CIRBP: variants seen among roughly 807,000 people sequenced by gnomAD.
CIRBP encodes cold-inducible RNA-binding protein.
A neutral mutation model predicts 22.3 loss-of-function variants in CIRBP; 11 were observed. The observed-to-expected ratio is 0.49, with a 90% CI of 0.31 to 0.82. The LOEUF is 0.82. Ranked by LOEUF, CIRBP falls within the 40% of genes least tolerant of loss-of-function variation. CIRBP has a pLI of 0.05. For missense variants in CIRBP, 456 were observed against 402.7 expected (o/e 1.13, Z -1.13); for synonymous variants, 216 against 158.8 (o/e 1.36, Z -2.71).
Position 1,274,638 on chromosome 19 carries a change from C to T in CIRBP, c.*2195C>T, listed in dbSNP as rs887520827. ...CCGCGCCTGTTCTCCCTCCCTTCCT[C>T]CTCCTTCCAGGAGGCGCTTCGCCAG... On this transcript the variant is annotated 3_prime_UTR_variant, in exon 6 of 6. Coordinates refer to ENST00000587896, the MANE Select transcript of CIRBP (RefSeq NM_001300829.2). The T allele has an allele frequency of 8.0e-6, 2 of 250,786 alleles. No individual in the cohort carries two copies. The highest frequency in any genetic ancestry group is 7.6e-6 in the Non-Finnish European group (1 of 132,272). The allele number at this position is 250,786 out of a possible 1,614,324, so 15.5% of individuals were successfully genotyped here. A position where few individuals can be genotyped will look rare whatever the true frequency, so the allele number is the denominator to read the frequency against.
chr19:1,271,539 C>G lies in CIRBP; in HGVS notation c.350-12C>G, dbSNP rs762498708. The G allele has an allele frequency of 1.3e-6, 2 of 1,592,872 alleles. No individual in the cohort carries two copies. The highest frequency in any genetic ancestry group is 1.7e-6 in the Non-Finnish European group (2 of 1,170,292). On this transcript the variant is annotated splice_polypyrimidine_tract_variant and intron_variant, in intron 4 of 5. Coordinates refer to ENST00000587896, the MANE Select transcript of CIRBP (RefSeq NM_001300829.2). ...GGTGGGAGCTGGTACTCACTTTTTC[C>G]TGTATGTGCAGGAGGAGGGGACCGA...
At chr19:1,271,795 A>G in intron 5 of CIRBP, 163 bp downstream of exon 5, 2 of 703,150 alleles carry the variant, frequency 2.8e-6, no homozygotes, top group Non-Finnish European at 4.8e-6. Flanking sequence ...GGACATTCGC[A>G]GAAGCGGGAG....
In CIRBP at chr19:1,271,380, A is replaced by G; in HGVS notation, c.262A>G (p.Asn88Asp). The change falls in exon 4 of 6, where the codon AAC becomes GAC. Residue 88 changes from asparagine (N) to aspartate (D), a missense_variant. Around this residue, in one of 2 missense-constraint regions of CIRBP, gnomAD observed 426 missense variants for 339.6 expected, o/e 1.25. Coordinates refer to ENST00000587896, the MANE Select transcript of CIRBP (RefSeq NM_001300829.2). The stretch of plus-strand genomic sequence containing the variant: ...AGACCAGGCAGGCAAGTCGTCAGAC[A>G]ACCGATCCCGTGGGTACCGTGGTGG... ...RVDQAGKSSDNRSRGYRGGSA... is the reference protein window; with the variant it reads ...RVDQAGKSSDDRSRGYRGGSA... The G allele has an allele frequency of 6.2e-7, 1 of 1,613,926 alleles. No homozygotes were observed.
chr19:1,271,058 C>T lies in CIRBP; in HGVS notation c.103+22C>T, dbSNP rs746395981. On this transcript the variant is annotated intron_variant, in intron 2 of 5. Transcript: ENST00000587896. ...GAAGGTGAGGCTGCTGCTGGGCCCGCGGCCCTGGGCGGGGGGGCTTGTGCT... is the reference window on the plus strand; with the variant it reads ...GAAGGTGAGGCTGCTGCTGGGCCCGTGGCCCTGGGCGGGGGGGCTTGTGCT... The T allele has an allele frequency of 7.8e-5, 125 of 1,610,682 alleles. 3 individuals carry two copies. The highest frequency in any genetic ancestry group is 6.9e-4 in the South Asian group (63 of 91,010).
At chr19:1,269,994 T>G (rs754366834) in intron 1 of CIRBP, 5 of 519,804 alleles carry the variant, frequency 9.6e-6, no homozygotes, top group South Asian at 7.0e-5. Flanking sequence ...GACTTCCAAG[T>G]CTAGTTCTCA....
rs566388463 is a variant in CIRBP, at chr19:1,274,277, G to T, written c.*1834G>T. On this transcript the variant is annotated 3_prime_UTR_variant, in exon 6 of 6. Coordinates refer to ENST00000587896, the MANE Select transcript of CIRBP (RefSeq NM_001300829.2). ...GGCAGCTGTGAGCCCTGTGGAGGAC[G>T]TTGGGAGTAACGCTGCTTTGCTTTG... 20 of 401,184 alleles carry T rather than the reference G, an allele frequency of 5.0e-5. No homozygotes were observed. Among genetic ancestry groups the T allele is most frequent in the Non-Finnish European group, 8.0e-5 (18 of 226,394 alleles). The allele number at this position is 401,184 out of a possible 1,614,324, so 24.9% of individuals were successfully genotyped here.
Position 1,273,258 on chromosome 19 carries a change from G to C in CIRBP, c.*815G>C, listed in dbSNP as rs1401063814. ...CAGACCTGAGCAGAGAGAGAAGGTG[G>C]AGAAGCAGCGGGTCTGCAAGCCTTC... On this transcript the variant is annotated 3_prime_UTR_variant, in exon 6 of 6. Coordinates refer to ENST00000587896, the MANE Select transcript of CIRBP (RefSeq NM_001300829.2). 1.3e-5 allele frequency: 2 copies of C among 152,294 alleles called. No individual in the cohort carries two copies. Among genetic ancestry groups the C allele is most frequent in the Non-Finnish European group, 2.9e-5 (2 of 68,102 alleles). The allele number at this position is 152,294 out of a possible 1,614,324, so 9.4% of individuals were successfully genotyped here.
intron 1 of CIRBP, chr19:1,269,759 C>T (rs566702178): frequency 7.1e-6 from 3 of 421,806 alleles, no homozygotes; most frequent in East Asian, 6.3e-5. Flanking sequence ...GTGGCGCCCC[C>T]GGTCTCCAGG....
rs749377713 is a variant in CIRBP at position 1,271,081 on chromosome 19, GCTC to G, written c.103+51_104-51del. 75 of 1,610,666 alleles carry G rather than the reference GCTC, an allele frequency of 4.7e-5. 1 individual carries two copies. The Middle Eastern group carries it at 1.7e-3, about 35-fold the overall frequency. ...CGCGGCCCTGGGCGGGGGGGCTTGTGCTCCTCCTACCTGGAAGTACAGCTGGGT... is the reference window on the plus strand; with the variant it reads ...CGCGGCCCTGGGCGGGGGGGCTTGTGCTCCTACCTGGAAGTACAGCTGGGT... On this transcript the variant is annotated intron_variant, in intron 2 of 5. Transcript: ENST00000587896.
At position 1,271,462 on chromosome 19, in the gene CIRBP, C is replaced by G. The variant is rs375107261; in HGVS notation, c.344C>G (p.Ser115Cys). 221 of 1,607,774 alleles carry G rather than the reference C, an allele frequency of 1.4e-4. No individual in the cohort carries two copies. Among genetic ancestry groups the G allele is most frequent in the Non-Finnish European group, 1.7e-4 (204 of 1,177,028 alleles). Reference sequence around the variant, plus strand: ...GGCCGAGGACGGGGCCGTGGGTTCTCTAGAGGTGAGTGCCATGAGTGGGTC... The same window carrying G: ...GGCCGAGGACGGGGCCGTGGGTTCTGTAGAGGTGAGTGCCATGAGTGGGTC... ...RGGRGRGRGF[S>C]RGGGDRGYGG... Residue 115 changes from serine to cysteine, a missense_variant, in exon 4 of 6, where the codon TCT becomes TGT. This residue lies in a region of CIRBP where 426 missense variants were observed against 339.6 expected (regional missense o/e 1.25). Transcript: ENST00000587896.
chr19:1,269,986 C>A lies in CIRBP; in HGVS notation c.-7+576C>A, dbSNP rs1303211410. On this transcript the variant is annotated intron_variant, in intron 1 of 5. Coordinates refer to ENST00000587896, the MANE Select transcript of CIRBP (RefSeq NM_001300829.2). The stretch of plus-strand genomic sequence containing the variant: ...AGTTGGCACAGCTCCCAGTGCCAGA[C>A]TTCCAAGTCTAGTTCTCAGAGCCAC... 4 of 519,806 alleles carry A rather than the reference C, an allele frequency of 7.7e-6. No homozygotes were observed. The African/African-American group carries it at 7.7e-5, about 10-fold the overall frequency. 32.2% of individuals were successfully genotyped at this position (519,806 alleles called of 1,614,324 possible).
chr19:1,270,672 C>G (rs372928164), intron 1 of CIRBP, among the ~76,000 whole-genome samples: 10 of 152,044 alleles, frequency 6.6e-5, no homozygotes, highest in African/African-American at 2.4e-4. Context: ...TCTTGGGAGG[C>G]TGAGGTAGGA....
Position 1,271,432 on chromosome 19 carries a change from G to T in CIRBP, c.314G>T (p.Arg105Leu). The T allele has an allele frequency of 6.2e-7, 1 of 1,612,850 alleles. No individual in the cohort carries two copies. Among genetic ancestry groups the T allele is most frequent in the Non-Finnish European group, 8.5e-7 (1 of 1,179,478 alleles). The change falls in exon 4 of 6, where the codon CGT becomes CTT. Residue 105 changes from arginine to leucine, a missense_variant. Coordinates refer to ENST00000587896, the MANE Select transcript of CIRBP (RefSeq NM_001300829.2). ...GGSAGGRGFF[R>L]GGRGRGRGFS... is the part of the protein sequence containing the mutation. ...TCTGCCGGGGGCCGGGGCTTCTTCC[G>T]TGGGGGCCGAGGACGGGGCCGTGGG... is the stretch of plus-strand genomic sequence containing the variant.
chr19:1,272,572 A>G lies in CIRBP; in HGVS notation c.*129A>G. ...CACTTTCGTAGTCATTTCGGTTCTG[A>G]TCTTGTCAAACCCAGCCTGACCGCT... On this transcript the variant is annotated 3_prime_UTR_variant, in exon 6 of 6. Transcript: ENST00000587896. The G allele has an allele frequency of 1.1e-6, 1 of 883,934 alleles. No individual in the cohort carries two copies. The allele number at this position is 883,934 out of a possible 1,614,324, so 54.8% of individuals were successfully genotyped here. A position where few individuals can be genotyped will look rare whatever the true frequency, so the allele number is the denominator to read the frequency against.
Position 1,272,128 on chromosome 19 carries a change from C to T in CIRBP, c.579C>T (p.Ser193=), listed in dbSNP as rs776861085. Reference sequence around the variant, plus strand: ...GGTTCACCTTGGTGCCCTCTCCAAGCACTTTAGGCTGGACACTCAGACCTT... The same window carrying T: ...GGTTCACCTTGGTGCCCTCTCCAAGTACTTTAGGCTGGACACTCAGACCTT... ...GARFTLVPSP[S]TLGWTLRPCH... Residue 193 remains serine (S), a synonymous_variant, in exon 6 of 6, where the codon AGC becomes AGT. Transcript: ENST00000587896. 1.2e-6 allele frequency: 2 copies of T among 1,613,478 alleles called. No homozygotes were observed. The highest frequency in any genetic ancestry group is 8.5e-7 in the Non-Finnish European group (1 of 1,179,922).
chr19:1,270,747 A>T, intron 1 of CIRBP, 181 bp from the exon 2 acceptor site: 1 of 588,100 alleles, frequency 1.7e-6, no homozygotes, highest in Non-Finnish European at 3.0e-6. Context: ...GGTGACAGTT[A>T]GACACACTGC....
Position 1,272,462 on chromosome 19 carries a change from A to C in CIRBP, c.*19A>C, listed in dbSNP as rs771754483. The C allele has an allele frequency of 1.3e-6, 2 of 1,515,946 alleles. No homozygotes were observed. The highest frequency in any genetic ancestry group is 1.8e-6 in the Non-Finnish European group (2 of 1,129,706). The allele number at this position is 1,515,946 out of a possible 1,614,324, so 93.9% of individuals were successfully genotyped here. A position where few individuals can be genotyped will look rare whatever the true frequency, so the allele number is the denominator to read the frequency against. ...CGAGTAAAAACCCTTCCTGCTCAAG[A>C]TCGTCCTTCCAATGGCTGTGTGTTT... On this transcript the variant is annotated 3_prime_UTR_variant, in exon 6 of 6. Coordinates refer to ENST00000587896, the MANE Select transcript of CIRBP (RefSeq NM_001300829.2).
Position 1,274,584 on chromosome 19 carries a change from C to T in CIRBP, c.*2141C>T, listed in dbSNP as rs1331138939. On this transcript the variant is annotated 3_prime_UTR_variant, in exon 6 of 6. Transcript: ENST00000587896. The stretch of plus-strand genomic sequence containing the variant: ...TGTGTTGGGTGCAGGGCAGCGCCTC[C>T]CGGGAGCGCCGGGTCCCCCGCCTGG... 1.5e-5 allele frequency: 5 copies of T among 332,138 alleles called. No homozygotes were observed. The highest frequency in any genetic ancestry group is 1.3e-4 in the East Asian group (3 of 22,632). 20.6% of individuals were successfully genotyped at this position (332,138 alleles called of 1,614,324 possible). A position where few individuals can be genotyped will look rare whatever the true frequency, so the allele number is the denominator to read the frequency against.
rs745826788 is a variant in CIRBP, at chr19:1,272,051, G to A, written c.502G>A (p.Gly168Ser). ...GSYRDSYDSY[G>S]KSHSEGATLL... is the part of the protein sequence containing the mutation. Reference sequence around the variant, plus strand: ...CTACAGAGACAGTTATGACAGTTACGGTAAGTCACACTCCGAGGGCGCCAC... The same window carrying A: ...CTACAGAGACAGTTATGACAGTTACAGTAAGTCACACTCCGAGGGCGCCAC... The change falls in exon 6 of 6, where the codon GGT (glycine) becomes AGT (serine). Residue 168 changes from glycine to serine, a missense_variant. Physicochemically the swap from Gly to Ser is moderately conservative, Grantham distance 56 (BLOSUM62 0). Around this residue, in one of 2 missense-constraint regions of CIRBP, gnomAD observed 426 missense variants for 339.6 expected, o/e 1.25. Coordinates refer to ENST00000587896, the MANE Select transcript of CIRBP (RefSeq NM_001300829.2). 20 of 1,613,936 alleles carry A rather than the reference G, an allele frequency of 1.2e-5. No homozygotes were observed. Among genetic ancestry groups the A allele is most frequent in the South Asian group, 2.2e-5 (2 of 91,078 alleles).
Sources: gnomAD v4.1 joint callset for allele counts (sites outside exome capture counted in the v4.1 genomes callset) on GRCh38, gnomAD v4.1.1 for gene constraint, gnomAD v4.1.1 regional missense constraint, MANE v1.5 for transcripts, NCBI Gene and HGNC (gene_info 2026-07-23, HGNC 2026-07-21) for gene names.